The following ACBD6 variants were observed in gnomAD, a reference collection of about 807,000 sequenced individuals.
ACBD6 encodes acyl-CoA-binding domain-containing protein 6.
In ACBD6, 28 loss-of-function variants were observed where a neutral mutation model predicts 37.2. That is an observed-to-expected ratio of 0.75 (90% CI 0.56 to 1.03). The LOEUF is 1.03. Among genes scored for constraint, ACBD6 ranks in the 50% least tolerant of loss-of-function variants. ACBD6 has a pLI of 0.00. For missense variants in ACBD6, 340 were observed against 337.4 expected (o/e 1.01, Z -0.06); for synonymous variants, 113 against 126.8 (o/e 0.89, Z 0.73).
At chr1:180,398,316 C>T (rs1382888218) in intron 5 of ACBD6, among the ~76,000 whole-genome samples, 1 of 151,640 alleles carries the variant, frequency 6.6e-6, no homozygotes, top group Non-Finnish European at 1.5e-5. Flanking sequence ...TTCTTTTTTT[C>T]TGGAAAGAAA....
chr1:180,432,088 T>C (rs1474943476), intron 3 of ACBD6, among the ~76,000 whole-genome samples: 1 of 151,840 alleles, frequency 6.6e-6, no homozygotes, highest in Non-Finnish European at 1.5e-5. Context: ...GTGACTGTAG[T>C]ACCAGCTACC....
chr1:180,494,685 A>T (rs1251789243), intron 2 of ACBD6, among the ~76,000 whole-genome samples: 1 of 152,186 alleles, frequency 6.6e-6, no homozygotes, highest in Non-Finnish European at 1.5e-5. Context: ...CTCTATAACC[A>T]TATTTTATCT....
chr1:180,357,528 A>G (rs1314833676), intron 6 of ACBD6, among the ~76,000 whole-genome samples: 2 of 152,256 alleles, frequency 1.3e-5, no homozygotes, highest in African/African-American at 4.8e-5. Context: ...ACATTCATTC[A>G]GATAAGCATG....
intron 7 of ACBD6, among the ~76,000 whole-genome samples, chr1:180,292,196 A>C (rs1462663982): frequency 6.6e-6 from 1 of 152,126 alleles, no homozygotes; most frequent in African/African-American, 2.4e-5. Flanking sequence ...TCAACTTATA[A>C]GTTTTTACAA....
intron 4 of ACBD6, among the ~76,000 whole-genome samples, chr1:180,416,866 A>G (rs995353003): frequency 2.0e-5 from 3 of 152,188 alleles, no homozygotes; most frequent in Admixed American, 6.5e-5. Flanking sequence ...TCATGGCAAG[A>G]CATATAAAGT....
downstream of ACBD6, chr1:180,286,956 T>A (rs559424226): frequency 6.6e-6 from 1 of 152,350 alleles, no homozygotes; most frequent in East Asian, 1.9e-4. Context: ...AGAAAAATTA[T>A]CTTTTAAGTG....
chr1:180,298,266 T>C (rs1333163383), intron 7 of ACBD6, among the ~76,000 whole-genome samples: 1 of 152,206 alleles, frequency 6.6e-6, no homozygotes, highest in Non-Finnish European at 1.5e-5. Flanking sequence ...TCTCAACTTA[T>C]TGTAAGAAAC....
At chr1:180,439,854 T>A (rs1014906625) in intron 3 of ACBD6, among the ~76,000 whole-genome samples, 1 of 152,224 alleles carries the variant, frequency 6.6e-6, no homozygotes, top group South Asian at 2.1e-4. Context: ...AGAGGAGTGA[T>A]AACTTGCAGG....
At chr1:180,364,345 T>G (rs563249663) in intron 6 of ACBD6, among the ~76,000 whole-genome samples, 4 of 152,228 alleles carry the variant, frequency 2.6e-5, no homozygotes, top group Non-Finnish European at 5.9e-5. Flanking sequence ...ATAATGTACA[T>G]TTTTAGTGTT....
chr1:180,459,451 C>T (rs1196181003), intron 3 of ACBD6, among the ~76,000 whole-genome samples: 3 of 152,188 alleles, frequency 2.0e-5, no homozygotes, highest in Non-Finnish European at 4.4e-5. Flanking sequence ...GCAACTCACA[C>T]ACACCTAATG....
chr1:180,317,219 A>G (rs562473749), intron 6 of ACBD6, among the ~76,000 whole-genome samples: 96 of 152,348 alleles, frequency 6.3e-4, no homozygotes, highest in Middle Eastern at 3.4e-3. Flanking sequence ...AATTTTAAAA[A>G]AGAGAGTGTG....
chr1:180,430,723 A>G (rs1407507237), intron 3 of ACBD6, among the ~76,000 whole-genome samples: 1 of 151,564 alleles, frequency 6.6e-6, no homozygotes, highest in Non-Finnish European at 1.5e-5. Flanking sequence ...AAAAAAAGGA[A>G]GGAGAAAAGG....
intron 2 of ACBD6, among the ~76,000 whole-genome samples, chr1:180,492,723 T>A (rs1651556169): frequency 6.6e-6 from 1 of 152,220 alleles, no homozygotes; most frequent in Non-Finnish European, 1.5e-5. Flanking sequence ...ATATATGATC[T>A]ACAGACTAAT....
At chr1:180,353,785 CAAAAAAA>C (rs56286672) in intron 6 of ACBD6, among the ~76,000 whole-genome samples, 3 of 19,754 alleles carry the variant, frequency 1.5e-4, no homozygotes, top group Non-Finnish European at 8.6e-5. Flanking sequence ...TTAACAACCA[CAAAAAAA>C]AAAAAAAAAA....
intron 7 of ACBD6, among the ~76,000 whole-genome samples, chr1:180,293,276 G>T (rs904751050): frequency 6.7e-6 from 1 of 149,144 alleles, no homozygotes; most frequent in Non-Finnish European, 1.5e-5. Context: ...CTATTTTCTG[G>T]AAGTGTTTGT....
intron 6 of ACBD6, among the ~76,000 whole-genome samples, chr1:180,384,886 A>C (rs1273193079): frequency 6.6e-6 from 1 of 152,184 alleles, no homozygotes; most frequent in African/African-American, 2.4e-5. Context: ...ATGTCAAGTG[A>C]AATAAGCCAG....
chr1:180,272,037 C>T (rs1347264775), intron 13 of ACBD6: 3 of 1,590,636 alleles, frequency 1.9e-6, no homozygotes, highest in East Asian at 4.5e-5. Flanking sequence ...CAGGCCGAGG[C>T]CTTAGGAAAG....
intron 3 of ACBD6, among the ~76,000 whole-genome samples, chr1:180,433,341 GT>G: frequency 6.6e-6 from 1 of 152,012 alleles, no homozygotes; most frequent in South Asian, 2.1e-4. Context: ...AATTCAACAT[GT>G]GTTCATGATA....
At chr1:180,466,773 T>TTA (rs2102050768) in intron 3 of ACBD6, among the ~76,000 whole-genome samples, 1 of 152,252 alleles carries the variant, frequency 6.6e-6, no homozygotes, top group South Asian at 2.1e-4. Flanking sequence ...GTTTTTTTCT[T>TTA]TCTTAAAGTT....
Sources: allele counts gnomAD v4.1 joint callset (sites outside exome capture counted in the v4.1 genomes callset), GRCh38; gene constraint gnomAD v4.1.1; transcripts MANE v1.5; gene names NCBI Gene and HGNC (gene_info 2026-07-23, HGNC 2026-07-21).